MINDY2: variants seen among roughly 807,000 people sequenced by gnomAD.
MINDY2 encodes the protein ubiquitin carboxyl-terminal hydrolase MINDY-2.
Under a neutral mutation model 68.2 loss-of-function variants are expected in MINDY2, and 52 were observed. The observed-to-expected ratio is 0.76, with a 90% CI of 0.61 to 0.96. The LOEUF is 0.96. MINDY2 is among the 40% of genes least tolerant of loss of function. The probability of loss-of-function intolerance (pLI) is 0.00; values close to 1 mark genes in which losing one functional copy is unlikely to be tolerated. For synonymous variants in MINDY2, 372 were observed against 303.0 expected (o/e 1.23, Z -2.36); for missense variants, 881 against 773.4 (o/e 1.14, Z -1.65).
chr15:58,847,228 T>A (rs962481261), intron 6 of MINDY2, 69 bp from the exon 7 acceptor site: 1 of 1,258,950 alleles, frequency 7.9e-7, no homozygotes, highest in Non-Finnish European at 1.1e-6. Context: ...TGTAAAACTT[T>A]CCTTAAATAT....
intron 2 of MINDY2, among the ~76,000 whole-genome samples, chr15:58,791,881 G>C (rs1901966895): frequency 6.6e-6 from 1 of 151,988 alleles, no homozygotes; most frequent in Non-Finnish European, 1.5e-5. Context: ...AGTAGACCGA[G>C]TCTGGGATAT....
chr15:58,791,215 T>TTTTATATA (rs1344616079), intron 2 of MINDY2, among the ~76,000 whole-genome samples: 10 of 79,586 alleles, frequency 1.3e-4, no homozygotes, highest in Non-Finnish European at 2.9e-4. Flanking sequence ...GAAAGCAATT[T>TTTTATATA]TATATATATA....
At chr15:58,775,986 T>C (rs999794747) in intron 1 of MINDY2, among the ~76,000 whole-genome samples, 8 of 151,574 alleles carry the variant, frequency 5.3e-5, no homozygotes, top group African/African-American at 1.7e-4. Context: ...TCTCAGCCTC[T>C]CGAGTAGCTG....
intron 1 of MINDY2, among the ~76,000 whole-genome samples, chr15:58,783,313 C>G (rs921297508): frequency 3.9e-5 from 6 of 152,174 alleles, no homozygotes; most frequent in African/African-American, 1.4e-4. Context: ...TGTTGGAACT[C>G]AAACTGTGTG....
Position 58,831,913 on chromosome 15 carries a change from C to T in MINDY2, c.1365C>T (p.Tyr455=), listed in dbSNP as rs2031747569. ...RNNHFSTMTK[Y]KGQLYLLVTD... is the part of the protein sequence containing the mutation. ...ATCATTTTAGCACCATGACCAAATA[C>T]AAGGTATGATATAGAAATAGCTATT... The change falls in exon 6 of 9, where the codon TAC becomes TAT. Residue 455 remains tyrosine, a synonymous_variant. Coordinates refer to ENST00000559228, the MANE Select transcript of MINDY2 (RefSeq NM_001040450.3). The T allele has an allele frequency of 6.2e-7, 1 of 1,611,156 alleles. No homozygotes were observed. The highest frequency in any genetic ancestry group is 1.7e-5 in the Admixed American group (1 of 59,434).
At chr15:58,838,007 A>G (rs1434028036) in intron 6 of MINDY2, among the ~76,000 whole-genome samples, 2 of 150,866 alleles carry the variant, frequency 1.3e-5, no homozygotes, top group Non-Finnish European at 1.5e-5. Flanking sequence ...ATTATATTTA[A>G]TCGTCACAGT....
chr15:58,794,384 TGTGTGTG>T (rs2140936114), intron 2 of MINDY2, among the ~76,000 whole-genome samples: 1 of 150,908 alleles, frequency 6.6e-6, no homozygotes, highest in African/African-American at 2.5e-5. Flanking sequence ...TGTGTGTGTG[TGTGTGTG>T]TGTGTTTTAA....
intron 6 of MINDY2, among the ~76,000 whole-genome samples, chr15:58,839,995 G>A (rs1266856965): frequency 6.6e-6 from 1 of 152,028 alleles, no homozygotes; most frequent in Admixed American, 6.6e-5. Context: ...ACCACGCTCA[G>A]CTAATTTTTT....
intron 3 of MINDY2, among the ~76,000 whole-genome samples, chr15:58,804,912 G>C (rs553851645): frequency 9.9e-5 from 15 of 152,272 alleles, no homozygotes; most frequent in Admixed American, 2.6e-4. Context: ...AGGATTACTT[G>C]AGCCTAGGAG....
intron 4 of MINDY2, among the ~76,000 whole-genome samples, chr15:58,813,375 ATCCCAGC>A (rs1452372351): frequency 9.2e-5 from 14 of 152,094 alleles, no homozygotes. Context: ...TGTGCCTATA[ATCCCAGC>A]TACTTGGGGA....
chr15:58,841,838 G>A (rs1365322434), intron 6 of MINDY2, among the ~76,000 whole-genome samples: 2 of 152,296 alleles, frequency 1.3e-5, no homozygotes, highest in South Asian at 2.1e-4. Flanking sequence ...AAATTTGAAA[G>A]TGTAAAGATG....
intron 6 of MINDY2, among the ~76,000 whole-genome samples, chr15:58,844,559 CAAAAAA>C (rs34592774): frequency 1.5e-5 from 1 of 66,906 alleles, no homozygotes; most frequent in Non-Finnish European, 2.9e-5. Flanking sequence ...GACTCCGTCT[CAAAAAA>C]AAAAAAAAAA....
At chr15:58,845,655 A>G (rs1306875486) in intron 6 of MINDY2, among the ~76,000 whole-genome samples, 3 of 152,216 alleles carry the variant, frequency 2.0e-5, no homozygotes, top group Admixed American at 6.5e-5. Context: ...TCAAGACACT[A>G]AAAGTAGAGC....
Position 58,850,709 on chromosome 15 carries a change from C to G in MINDY2, c.1543-1062C>G, listed in dbSNP as rs372248304. 2.6e-5 allele frequency among the ~76,000 whole-genome samples: 4 copies of G among 151,882 alleles called. No individual in the cohort carries two copies. The East Asian group carries it at 5.8e-4, about 22-fold the overall frequency. On this transcript the variant is annotated intron_variant, in intron 7 of 8. Transcript: ENST00000559228. ...AGTGATCCTCCCACCTCAGCCTCCCCTAGTAGCTGGGACCATGGGCATGCA... is the reference window on the plus strand; with the variant it reads ...AGTGATCCTCCCACCTCAGCCTCCCGTAGTAGCTGGGACCATGGGCATGCA...
chr15:58,854,055 C>T (rs1395946283), intron 8 of MINDY2, among the ~76,000 whole-genome samples: 3 of 151,748 alleles, frequency 2.0e-5, no homozygotes, highest in African/African-American at 4.8e-5. Context: ...CCAGCCTGGC[C>T]AACATAGTGA....
intron 6 of MINDY2, among the ~76,000 whole-genome samples, chr15:58,835,498 C>A (rs531409910): frequency 6.6e-6 from 1 of 151,962 alleles, no homozygotes; most frequent in Non-Finnish European, 1.5e-5. Context: ...ACTAAAAATA[C>A]AAAAATTAGC....
chr15:58,777,657 T>C (rs1242142405), intron 1 of MINDY2, among the ~76,000 whole-genome samples: 1 of 152,130 alleles, frequency 6.6e-6, no homozygotes, highest in Non-Finnish European at 1.5e-5. Context: ...GAAAATCTGT[T>C]GAATAGTTGA....
intron 1 of MINDY2, among the ~76,000 whole-genome samples, chr15:58,781,105 A>C (rs1901112063): frequency 6.6e-6 from 1 of 151,986 alleles, no homozygotes; most frequent in Admixed American, 6.6e-5. Context: ...GCTGGAGTGC[A>C]ATGGTGTGGT....
At chr15:58,775,822 G>A (rs554881013) in intron 1 of MINDY2, among the ~76,000 whole-genome samples, 1 of 151,584 alleles carries the variant, frequency 6.6e-6, no homozygotes, top group Admixed American at 6.6e-5. Context: ...TCGTTATGCT[G>A]TTAGAAGCAT....
Sources: allele counts gnomAD v4.1 joint callset (sites outside exome capture counted in the v4.1 genomes callset), GRCh38; gene constraint gnomAD v4.1.1; transcripts MANE v1.5; gene names NCBI Gene and HGNC (gene_info 2026-07-23, HGNC 2026-07-21).